The following DAB1 variants were observed in gnomAD, a reference collection of about 807,000 sequenced individuals.
The protein encoded by DAB1 is DAB adaptor protein 1.
Under a neutral mutation model 64.6 loss-of-function variants are expected in DAB1, and 15 were observed. That is an observed-to-expected ratio of 0.23 (90% CI 0.16 to 0.36). The LOEUF (loss-of-function observed/expected upper bound fraction) is 0.36, where lower values mean the gene tolerates loss of function less well. Ranked by LOEUF, DAB1 falls within the 10% of genes least tolerant of loss-of-function variation. The pLI is 1.00. For synonymous variants in DAB1, 235 were observed against 251.9 expected (o/e 0.93, Z 0.64); for missense variants, 596 against 706.7 (o/e 0.84, Z 1.78).
chr1:57,546,223 A>T (rs2101463772), intron 7 of DAB1, among the ~76,000 whole-genome samples: 1 of 152,252 alleles, frequency 6.6e-6, no homozygotes, highest in African/African-American at 2.4e-5. Context: ...ACAAAGAAAG[A>T]TTGAATAAAC....
chr1:57,352,277 T>C (rs1406289014), intron 1 of DAB1, among the ~76,000 whole-genome samples: 1 of 152,184 alleles, frequency 6.6e-6, no homozygotes, highest in Non-Finnish European at 1.5e-5. Context: ...TACAAGAATA[T>C]ACCTAATGCC....
chr1:57,225,585 G>A (rs1667204357), intron 2 of DAB1, among the ~76,000 whole-genome samples: 1 of 152,290 alleles, frequency 6.6e-6, no homozygotes, highest in East Asian at 1.9e-4. Flanking sequence ...CTCTCAAGAA[G>A]CTCACGGTGT....
intron 2 of DAB1, among the ~76,000 whole-genome samples, chr1:58,517,147 G>C (rs1269582263): frequency 6.6e-6 from 1 of 152,184 alleles, no homozygotes; most frequent in Non-Finnish European, 1.5e-5. Context: ...AAACAGATTT[G>C]AAGAGGTTAA....
intron 14 of DAB1, among the ~76,000 whole-genome samples, chr1:57,007,451 C>T (rs1646114047): frequency 6.6e-6 from 1 of 152,114 alleles, no homozygotes; most frequent in South Asian, 2.1e-4. Context: ...TATTTTGGTT[C>T]TTTTTTGCCC....
Position 58,232,814 on chromosome 1 carries a change from A to G in DAB1, n.310-82226T>C, listed in dbSNP as rs77913261. Among the ~76,000 whole-genome samples the G allele has an allele frequency of 2.0e-3, 312 of 152,296 alleles. 1 individual carries two copies. Among genetic ancestry groups the G allele is most frequent in the African/African-American group, 7.3e-3 (304 of 41,564 alleles). On this transcript the variant is annotated intron_variant and non_coding_transcript_variant, in intron 4 of 20. Transcript: ENST00000485760. ...GAACAAAGGCTCTGTTCAATCAAAT[A>G]TCACCTTCTCGGAGCAACCATCCCT...
chr1:57,278,358 A>G (rs958061596), intron 2 of DAB1, among the ~76,000 whole-genome samples: 1 of 152,166 alleles, frequency 6.6e-6, no homozygotes, highest in African/African-American at 2.4e-5. Context: ...ATCATTTCCC[A>G]CATTCCACTG....
At chr1:58,103,968 C>T (rs1448960188) in intron 5 of DAB1, among the ~76,000 whole-genome samples, 2 of 152,236 alleles carry the variant, frequency 1.3e-5, no homozygotes, top group South Asian at 2.1e-4. Context: ...CCCCTCCTCA[C>T]ATCCCAGGTC....
At chr1:58,228,245 A>C (rs1195122105) in intron 4 of DAB1, among the ~76,000 whole-genome samples, 1 of 152,218 alleles carries the variant, frequency 6.6e-6, no homozygotes, top group Non-Finnish European at 1.5e-5. Flanking sequence ...CAGTGGCCTT[A>C]GATTATTTTT....
intron 1 of DAB1, among the ~76,000 whole-genome samples, chr1:57,402,620 G>A (rs1358326002): frequency 6.6e-6 from 1 of 152,142 alleles, no homozygotes; most frequent in Non-Finnish European, 1.5e-5. Context: ...CTAAGAAGGA[G>A]CTTAGGCAAT....
chr1:58,005,630 A>G (rs887539668), intron 5 of DAB1, among the ~76,000 whole-genome samples: 1 of 149,370 alleles, frequency 6.7e-6, no homozygotes, highest in Non-Finnish European at 1.5e-5. Context: ...AAAAAAAGGC[A>G]GTGCCTCAAG....
intron 9 of DAB1, among the ~76,000 whole-genome samples, chr1:57,028,901 T>G (rs918959982): frequency 1.3e-5 from 2 of 152,118 alleles, no homozygotes; most frequent in African/African-American, 2.4e-5. Context: ...TTTGAAAAAT[T>G]TGCAGCCTGA....
chr1:57,988,285 T>C (rs377593652), intron 5 of DAB1, among the ~76,000 whole-genome samples: 2 of 152,306 alleles, frequency 1.3e-5, no homozygotes, highest in East Asian at 3.9e-4. Context: ...ACACAGGGCA[T>C]GTACAATCAT....
intron 6 of DAB1, among the ~76,000 whole-genome samples, chr1:57,705,709 A>G (rs1646958418): frequency 6.6e-6 from 1 of 152,090 alleles, no homozygotes; most frequent in South Asian, 2.1e-4. Context: ...TTTTTGCCTA[A>G]TATTGTAGAT....
downstream of DAB1, among the ~76,000 whole-genome samples, chr1:57,825,429 G>C (rs1184713356): frequency 5.3e-5 from 8 of 152,206 alleles, no homozygotes; most frequent in Non-Finnish European, 7.3e-5. Context: ...AGGCACACAG[G>C]GCTATAGTAG....
chr1:57,385,706 G>C (rs998927781), intron 1 of DAB1, among the ~76,000 whole-genome samples: 3 of 152,150 alleles, frequency 2.0e-5, no homozygotes, highest in Non-Finnish European at 1.5e-5. Context: ...CAAGGATCTA[G>C]GGAGAAAGGG....
intron 1 of DAB1, among the ~76,000 whole-genome samples, chr1:57,367,640 AGCTGCAGCAGTGTG>A (rs1306459902): frequency 6.6e-6 from 1 of 152,178 alleles, no homozygotes; most frequent in Non-Finnish European, 1.5e-5. Flanking sequence ...CCATCACGCT[AGCTGCAGCAGTGTG>A]GCTGCAGCAG....
At chr1:58,530,683 A>G (rs758226414) in intron 1 of DAB1, 1 of 872,812 alleles carries the variant, frequency 1.1e-6, no homozygotes, top group East Asian at 2.4e-5. Flanking sequence ...TGTGAGGAAA[A>G]TCATACCTAG....
chr1:58,380,764 G>C (rs1428659978), intron 3 of DAB1, among the ~76,000 whole-genome samples: 3 of 152,174 alleles, frequency 2.0e-5, no homozygotes, highest in Non-Finnish European at 4.4e-5. Context: ...CAGTAGATTT[G>C]AGAAACATTA....
At chr1:58,156,504 A>G (rs995869990) in intron 4 of DAB1, among the ~76,000 whole-genome samples, 3 of 152,202 alleles carry the variant, frequency 2.0e-5, no homozygotes, top group Non-Finnish European at 4.4e-5. Flanking sequence ...TTGTTCCACA[A>G]GGAACCACAG....
Sources: gnomAD v4.1 joint callset for allele counts (sites outside exome capture counted in the v4.1 genomes callset) on GRCh38, gnomAD v4.1.1 for gene constraint, MANE v1.5 for transcripts, NCBI Gene and HGNC (gene_info 2026-07-23, HGNC 2026-07-21) for gene names.